The following DOCK9 variants were observed in gnomAD, a reference collection of about 807,000 sequenced individuals.
The protein encoded by DOCK9 is dedicator of cytokinesis protein 9.
DOCK9 carries 89 observed loss-of-function variants against 263.3 expected under a neutral mutation model. That is an observed-to-expected ratio of 0.34 (90% confidence interval 0.28 to 0.40). The LOEUF (loss-of-function observed/expected upper bound fraction) is 0.40. DOCK9 is among the 10% of genes least tolerant of loss of function. The probability of loss-of-function intolerance (pLI) is 1.00; values close to 1 mark genes in which losing one functional copy is unlikely to be tolerated. For synonymous variants in DOCK9, 976 were observed against 973.1 expected (o/e 1.00, Z -0.06); for missense variants, 2,140 against 2,603.4 (o/e 0.82, Z 3.87).
Position 98,988,727 on chromosome 13 carries a change from C to T in DOCK9, c.130-33176G>A, listed in dbSNP as rs147732541. Reference sequence around the variant, plus strand: ...GGCAATCTGGGCAGAGGACCCAAACCCTACTGTATTGAAACCTTTTTTATT... The same window carrying T: ...GGCAATCTGGGCAGAGGACCCAAACTCTACTGTATTGAAACCTTTTTTATT... On this transcript the variant is annotated intron_variant, in intron 1 of 32. Transcript: ENST00000427887. 3.0e-3 allele frequency among the ~76,000 whole-genome samples: 457 copies of T among 152,290 alleles called. 1 individual carries two copies. The highest frequency in any genetic ancestry group is 0.01 in the African/African-American group (436 of 41,560).
intron 9 of DOCK9, among the ~76,000 whole-genome samples, chr13:98,907,523 G>A (rs1192098449): frequency 6.6e-6 from 1 of 152,158 alleles, no homozygotes; most frequent in Non-Finnish European, 1.5e-5. Context: ...AGCCAAAATA[G>A]ACACAAAGCA....
At position 98,956,629 on chromosome 13, in the gene DOCK9, C is replaced by A. The variant is rs1318873545; in HGVS notation, c.127-1078G>T. Reference sequence around the variant, plus strand: ...AGGCGTGGTGGCATACGCTTGTAATCCCAGCTACTCGGGAGGCCGAGGCAC... The same window carrying A: ...AGGCGTGGTGGCATACGCTTGTAATACCAGCTACTCGGGAGGCCGAGGCAC... On this transcript the variant is annotated intron_variant, in intron 1 of 52. Coordinates refer to ENST00000682017, the MANE Select transcript of DOCK9 (RefSeq NM_001366683.2). 3.3e-5 allele frequency among the ~76,000 whole-genome samples: 5 copies of A among 152,202 alleles called. No homozygotes were observed. In the East Asian group the frequency reaches 7.7e-4, roughly 24 times the overall value.
intron 1 of DOCK9, among the ~76,000 whole-genome samples, chr13:99,002,354 C>A (rs1882511806): frequency 6.6e-6 from 1 of 152,186 alleles, no homozygotes; most frequent in African/African-American, 2.4e-5. Context: ...GTGTGCAGCT[C>A]TGCACAAATG....
chr13:99,039,736 A>G (rs867581231), intron 1 of DOCK9, among the ~76,000 whole-genome samples: 2 of 152,186 alleles, frequency 1.3e-5, no homozygotes, highest in African/African-American at 4.8e-5. Context: ...TCAACCATCA[A>G]CGCAGTAAAA....
At chr13:99,024,840 T>A (rs186937796) in intron 1 of DOCK9, among the ~76,000 whole-genome samples, 1 of 152,306 alleles carries the variant, frequency 6.6e-6, no homozygotes. Flanking sequence ...CCTATTTTTT[T>A]TAAAAGCAGT....
At chr13:99,048,163 T>G (rs1019460979) in intron 1 of DOCK9, among the ~76,000 whole-genome samples, 2 of 152,246 alleles carry the variant, frequency 1.3e-5, no homozygotes, top group African/African-American at 4.8e-5. Flanking sequence ...AAAGTGTTCA[T>G]GTGCTGCTTC....
At chr13:98,879,459 G>A (rs1427236956) in intron 27 of DOCK9, among the ~76,000 whole-genome samples, 5 of 152,116 alleles carry the variant, frequency 3.3e-5, no homozygotes, top group South Asian at 4.2e-4. Flanking sequence ...TGTCTATGAC[G>A]GTCAAGACAC....
intron 1 of DOCK9, among the ~76,000 whole-genome samples, chr13:99,046,407 A>G (rs537054803): frequency 5.3e-5 from 8 of 152,336 alleles, no homozygotes; most frequent in African/African-American, 1.9e-4. Flanking sequence ...TGAGATTAAC[A>G]GAGGAAGTAG....
intron 1 of DOCK9, among the ~76,000 whole-genome samples, chr13:99,012,483 G>A (rs1427226077): frequency 1.3e-5 from 2 of 152,158 alleles, no homozygotes; most frequent in East Asian, 3.8e-4. Context: ...CTTTCTGAGG[G>A]CAGGTGAAAT....
chr13:99,014,018 G>T (rs567197749), intron 1 of DOCK9, among the ~76,000 whole-genome samples: 1 of 152,198 alleles, frequency 6.6e-6, no homozygotes, highest in African/African-American at 2.4e-5. Flanking sequence ...AAGAGCAGCC[G>T]ACAGGATGCA....
intron 1 of DOCK9, among the ~76,000 whole-genome samples, chr13:99,062,934 A>C (rs2041256235): frequency 6.6e-6 from 1 of 152,090 alleles, no homozygotes; most frequent in South Asian, 2.1e-4. Flanking sequence ...TCTACTCTCT[A>C]CTACTCTGCG....
At chr13:99,038,288 C>CTTTTTTTTTTTTTT (rs71419743) in intron 1 of DOCK9, among the ~76,000 whole-genome samples, 4 of 86,264 alleles carry the variant, frequency 4.6e-5, no homozygotes, top group Admixed American at 1.5e-4. Flanking sequence ...TTATGCCCCC[C>CTTTTTTTTTTTTTT]TTTTTTTTTT....
At position 98,867,435 on chromosome 13, in the gene DOCK9, T is replaced by C; in HGVS notation, c.3276A>G (p.Gln1092=). 6.3e-7 allele frequency: 1 copy of C among 1,590,962 alleles called. No homozygotes were observed. The highest frequency in any genetic ancestry group is 8.6e-7 in the Non-Finnish European group (1 of 1,160,880). ...LPMPFGKGRI[Q]RYQDLQLDYS... ...ATAAAGATGGATTACCTTGGTATCT[T>C]TGAATCCTGCCTTTTCCAAATGGCA... The change falls in exon 30 of 53, where the codon CAA becomes CAG. Residue 1092 remains glutamine, a synonymous_variant. Transcript: ENST00000682017.
upstream of DOCK9, chr13:98,978,139 A>G: frequency 1.5e-6 from 2 of 1,363,750 alleles, no homozygotes; most frequent in South Asian, 4.2e-5. Flanking sequence ...GGAGGCTCCT[A>G]CTTGCTGGCC....
At chr13:99,073,566 A>G (rs2041785823) in intron 1 of DOCK9, among the ~76,000 whole-genome samples, 1 of 152,168 alleles carries the variant, frequency 6.6e-6, no homozygotes, top group Admixed American at 6.5e-5. Context: ...CAATGAACAG[A>G]CTGGCAGCTG....
At chr13:98,936,450 T>C (rs2054844240) in intron 2 of DOCK9, among the ~76,000 whole-genome samples, 2 of 151,772 alleles carry the variant, frequency 1.3e-5, no homozygotes, top group South Asian at 2.1e-4. Context: ...CGTGACCTTG[T>C]CTCTACTAAA....
intron 1 of DOCK9, among the ~76,000 whole-genome samples, chr13:99,043,845 C>T (rs573907085): frequency 2.6e-5 from 4 of 152,230 alleles, no homozygotes; most frequent in African/African-American, 9.6e-5. Context: ...GTTTGCTTGT[C>T]CCCGCCCACT....
intron 1 of DOCK9, among the ~76,000 whole-genome samples, chr13:98,974,347 T>A (rs187286919): frequency 3.7e-3 from 558 of 152,304 alleles, no homozygotes; most frequent in Non-Finnish European, 6.5e-3. Flanking sequence ...GCTTCCTCCC[T>A]CACTTACTGT....
At position 98,990,706 on chromosome 13, in the gene DOCK9, C is replaced by T. The variant is rs1364814212; in HGVS notation, c.130-35155G>A. ...GGACAGACAATCCCATGGTCAAGTT[C>T]TTTTCAGCCCAAACTCTGCAATTCA... is the stretch of plus-strand genomic sequence containing the variant. On this transcript the variant is annotated intron_variant, in intron 1 of 32. Transcript: ENST00000427887. Among the ~76,000 whole-genome samples the T allele has an allele frequency of 4.6e-5, 7 of 152,214 alleles. No individual in the cohort carries two copies. In the East Asian group the frequency reaches 1.3e-3, roughly 29 times the overall value.
Sources: gnomAD v4.1 joint callset for allele counts (sites outside exome capture counted in the v4.1 genomes callset) on GRCh38, gnomAD v4.1.1 for gene constraint, MANE v1.5 for transcripts, NCBI Gene and HGNC (gene_info 2026-07-23, HGNC 2026-07-21) for gene names.